Variants in HUWE1 observed in about 807,000 individuals in gnomAD.
HUWE1 encodes HECT, UBA and WWE domain containing E3 ubiquitin protein ligase 1.
In HUWE1, 18 loss-of-function variants were observed where a neutral mutation model predicts 299.4. That is an observed-to-expected ratio of 0.06 (90% CI 0.04 to 0.09). The LOEUF (loss-of-function observed/expected upper bound fraction) is 0.09. Ranked by LOEUF, HUWE1 falls within the 10% of genes least tolerant of loss-of-function variation. The pLI, the probability that HUWE1 is intolerant of heterozygous loss-of-function variation, is 1.00. For missense variants in HUWE1, 1,832 were observed against 3,462.3 expected, an observed-to-expected ratio of 0.53 and a Z score of 11.82; for synonymous variants, 1,317 against 1,286.1, an observed-to-expected ratio of 1.02 and a Z score of -0.51.
chrX:53,605,314 T>C (rs1280637222), intron 25 of HUWE1, among the ~76,000 whole-genome samples: 1 of 112,211 alleles, frequency 8.9e-6, no homozygotes, highest in African/African-American at 3.2e-5. Flanking sequence ...TCCTCTCAAG[T>C]CTGGAGAAAA....
rs369647061 is a variant in HUWE1, at chrX:53,575,624, G to A, written c.6030+19C>T. 19 of 1,203,655 alleles carry A rather than the reference G, an allele frequency of 1.6e-5. No individual in the cohort carries two copies. Among genetic ancestry groups the A allele is most frequent in the Middle Eastern group, 4.6e-4 (2 of 4,334 alleles). On this transcript the variant is annotated intron_variant, in intron 45 of 83. Coordinates refer to ENST00000262854, the MANE Select transcript of HUWE1 (RefSeq NM_031407.7). ...TGAAAAATGAGAAGAAAGATAAAAC[G>A]CTGTTGGAATTGACTTACATTAATG...
At chrX:53,615,303 C>T (rs937938816) in intron 22 of HUWE1, among the ~76,000 whole-genome samples, 5 of 108,853 alleles carry the variant, frequency 4.6e-5, no homozygotes, top group Admixed American at 2.9e-4. Flanking sequence ...TCTTGGCTCA[C>T]TACAACCTCC....
rs782042293 is a variant in HUWE1 at position 53,536,496 on chromosome X, G to A, written c.12309C>T (p.His4103=). Residue 4103 remains histidine (H), a synonymous_variant, in exon 79 of 84, where the codon CAC becomes CAT. Coordinates refer to ENST00000262854, the MANE Select transcript of HUWE1 (RefSeq NM_031407.7). ...GTCCGACAAACTTGAAGTAGCTGAGGTGGTTGGGGTTGCAGTGGGAAGATG... is the reference window on the plus strand; with the variant it reads ...GTCCGACAAACTTGAAGTAGCTGAGATGGTTGGGGTTGCAGTGGGAAGATG... ...INPSSHCNPN[H]LSYFKFVGRI... is the part of the protein sequence containing the mutation. 10 of 1,209,376 alleles carry A rather than the reference G, an allele frequency of 8.3e-6. No individual in the cohort carries two copies. In the African/African-American group the frequency reaches 1.8e-4, roughly 21 times the overall value.
intron 13 of HUWE1, among the ~76,000 whole-genome samples, chrX:53,629,121 C>T (rs1175311162): frequency 9.0e-6 from 1 of 110,879 alleles, no homozygotes; most frequent in East Asian, 2.8e-4. Flanking sequence ...TTCTAACCCT[C>T]TGGGAAAAAC....
At chrX:53,575,541 A>C in intron 45 of HUWE1, 102 bp downstream of exon 45, 2 of 909,478 alleles carry the variant, frequency 2.2e-6, no homozygotes, top group Non-Finnish European at 3.1e-6. Context: ...GATACATCAC[A>C]ATTAATATCT....
chrX:53,574,022 G>A (rs2062968253), intron 46 of HUWE1, 58 bp from the exon 47 acceptor site: 2 of 1,007,162 alleles, frequency 2.0e-6, no homozygotes, highest in Admixed American at 2.2e-5. Context: ...GCAAAATCAA[G>A]TCTTAGGTGG....
At chrX:53,636,416 C>T (rs1446125342) in intron 7 of HUWE1, among the ~76,000 whole-genome samples, 2 of 112,893 alleles carry the variant, frequency 1.8e-5, no homozygotes, top group African/African-American at 6.4e-5. Context: ...GTTCGACATT[C>T]ATTAAGATGT....
chrX:53,604,754 G>A lies in HUWE1; in HGVS notation c.2577C>T (p.His859=), dbSNP rs781861246. The change falls in exon 26 of 84, where the codon CAC becomes CAT. Residue 859 remains histidine, a synonymous_variant. Coordinates refer to ENST00000262854, the MANE Select transcript of HUWE1 (RefSeq NM_031407.7). ...DSILSSLEPL[H]RPIESPGGSV... is the part of the protein sequence containing the mutation. ...AGCCCCCAGGGGATTCAATGGGGCG[G>A]TGTAAGGGCTCCAGGGAGGAGAGGA... The A allele has an allele frequency of 1.1e-5, 13 of 1,211,530 alleles. No homozygotes were observed. The highest frequency in any genetic ancestry group is 1.5e-5 in the Non-Finnish European group (13 of 895,012).
chrX:53,588,308 A>G (rs2063965319), intron 37 of HUWE1, 74 bp downstream of exon 37: 1 of 1,065,759 alleles, frequency 9.4e-7, no homozygotes. Context: ...ATCGTCTTCA[A>G]TGCCTCATAT....
At chrX:53,616,080 A>T (rs2065783336) in intron 21 of HUWE1, among the ~76,000 whole-genome samples, 2 of 106,921 alleles carry the variant, frequency 1.9e-5, no homozygotes, top group South Asian at 8.4e-4. Flanking sequence ...GACTGGAGAA[A>T]TTTTTTTTTT....
chrX:53,572,691 C>G (rs1361951534), intron 47 of HUWE1, among the ~76,000 whole-genome samples: 1 of 112,245 alleles, frequency 8.9e-6, no homozygotes, highest in Admixed American at 9.4e-5. Flanking sequence ...CATTCTTTTC[C>G]ACAGCTCTAC....
At chrX:53,631,265 A>T in intron 11 of HUWE1, 149 bp downstream of exon 11, 1 of 515,900 alleles carries the variant, frequency 1.9e-6, no homozygotes, top group Non-Finnish European at 3.3e-6. Context: ...AAGACAAGGA[A>T]ACTAAGGCTC....
chrX:53,622,937 G>A (rs189284151), intron 19 of HUWE1, among the ~76,000 whole-genome samples: 2 of 111,804 alleles, frequency 1.8e-5, no homozygotes, highest in East Asian at 2.8e-4. Flanking sequence ...TTTAGGTTTC[G>A]CTTTGCAAAT....
chrX:53,543,889 T>C lies in HUWE1; in HGVS notation c.11331A>G (p.Gln3777=). 1 of 1,210,937 alleles carries C rather than the reference T, an allele frequency of 8.3e-7. No homozygotes were observed. Among genetic ancestry groups the C allele is most frequent in the Non-Finnish European group, 1.1e-6 (1 of 894,927 alleles). Reference sequence around the variant, plus strand: ...GCGCCCTTTGACCCTCACGTACCATTTGTATAATGGCATCAGCCTCAGCCT... The same window carrying C: ...GCGCCCTTTGACCCTCACGTACCATCTGTATAATGGCATCAGCCTCAGCCT... ...QLEAEADAII[Q]MVREGQRARR... The change falls in exon 73 of 84, where the codon CAA becomes CAG. Residue 3777 remains glutamine, a synonymous_variant. Coordinates refer to ENST00000262854, the MANE Select transcript of HUWE1 (RefSeq NM_031407.7).
At chrX:53,606,238 G>A in intron 25 of HUWE1, among the ~76,000 whole-genome samples, 2 of 111,987 alleles carry the variant, frequency 1.8e-5, no homozygotes, top group East Asian at 5.5e-4. Flanking sequence ...ATTAATACGT[G>A]TACAAGAATA....
chrX:53,656,807 T>C (rs782352827), intron 3 of HUWE1, among the ~76,000 whole-genome samples: 1 of 111,005 alleles, frequency 9.0e-6, no homozygotes, highest in Admixed American at 9.6e-5. Context: ...AGACTTACTA[T>C]ATAGCTACAG....
intron 31 of HUWE1, 21 bp from the exon 32 acceptor site, chrX:53,593,622 G>A (rs1556981593): frequency 1.8e-6 from 2 of 1,129,200 alleles, no homozygotes; most frequent in African/African-American, 3.5e-5. Context: ...ATAAGGAAAA[G>A]TAGACAGAAT....
intron 3 of HUWE1, among the ~76,000 whole-genome samples, chrX:53,655,147 T>TAG (rs1181333785): frequency 9.1e-6 from 1 of 109,627 alleles, no homozygotes; most frequent in Non-Finnish European, 1.9e-5. Context: ...TGCACAGAGG[T>TAG]AGAAGTGGGT....
intron 33 of HUWE1, among the ~76,000 whole-genome samples, chrX:53,591,687 C>T (rs2064169525): frequency 2.7e-5 from 3 of 112,181 alleles, no homozygotes; most frequent in African/African-American, 9.7e-5. Flanking sequence ...TTGATGTTAA[C>T]GACGTAAAAA....
Sources: gnomAD v4.1 joint callset for allele counts (sites outside exome capture counted in the v4.1 genomes callset) on GRCh38, gnomAD v4.1.1 for gene constraint, MANE v1.5 for transcripts, NCBI Gene and HGNC (gene_info 2026-07-23, HGNC 2026-07-21) for gene names.